Variants in MASP1 observed in about 807,000 individuals in gnomAD.
MASP1 encodes MBL associated serine protease 1.
MASP1 carries 59 observed loss-of-function variants against 77.1 expected under a neutral mutation model. The ratio of observed to expected loss-of-function variants is 0.77; its 90% CI spans 0.62 to 0.95. MASP1 has a LOEUF of 0.95. MASP1 is among the 40% of genes least tolerant of loss of function. The pLI, the probability that MASP1 is intolerant of heterozygous loss-of-function variation, is 0.00. For synonymous variants in MASP1, 362 were observed against 354.5 expected (o/e 1.02, Z -0.24); for missense variants, 885 against 912.9 (o/e 0.97, Z 0.39).
Position 187,282,510 on chromosome 3 carries a change from A to AAAAAG in MASP1, c.237+3314_237+3315insCTTTT, listed in dbSNP as rs144429912. Among the ~76,000 whole-genome samples, 164 of 131,484 alleles carry AAAAAG rather than the reference A, an allele frequency of 1.2e-3. 1 individual carries two copies. Among genetic ancestry groups the AAAAAG allele is most frequent in the Middle Eastern group, 3.9e-3 (1 of 254 alleles). The allele number at this position is 131,484 out of a possible 152,430, so 86.3% of individuals were successfully genotyped here. On this transcript the variant is annotated intron_variant, in intron 2 of 10. Coordinates refer to ENST00000296280, the MANE Select transcript of MASP1 (RefSeq NM_139125.4). Reference sequence around the variant, plus strand: ...GATTCCGTTTCAAAAAAAAAAAAAAAAAGAAGAAGAAGAAAACGTGTACTG... The same window carrying AAAAAG: ...GATTCCGTTTCAAAAAAAAAAAAAAAAAAAGAAGAAGAAGAAGAAAACGTGTACTG...
intron 4 of MASP1, among the ~76,000 whole-genome samples, chr3:187,259,707 G>A (rs1715395649): frequency 6.6e-6 from 1 of 152,070 alleles, no homozygotes; most frequent in African/African-American, 2.4e-5. Flanking sequence ...TGTTCTTTTG[G>A]TTTTGGATTG....
rs753546269 is a variant in MASP1, at chr3:187,236,098, G to A, written c.1773C>T (p.Ala591=). 101 of 1,613,784 alleles carry A rather than the reference G, an allele frequency of 6.3e-5. No homozygotes were observed. The highest frequency in any genetic ancestry group is 7.9e-5 in the Non-Finnish European group (93 of 1,180,056). ...GPAPHMLGLV[A]GWGISNPNVT... is the part of the protein sequence containing the mutation. ...CATTGGGATTGGAGATGCCCCAGCCGGCCACCAGGCCCAGCATGTGGGGGG... is the reference window on the plus strand; with the variant it reads ...CATTGGGATTGGAGATGCCCCAGCCAGCCACCAGGCCCAGCATGTGGGGGG... The change falls in exon 11 of 11, where the codon GCC becomes GCT. Residue 591 remains alanine (A), a synonymous_variant. Coordinates refer to ENST00000296280, the MANE Select transcript of MASP1 (RefSeq NM_139125.4).
At chr3:187,287,117 G>A (rs1410284288) in intron 1 of MASP1, among the ~76,000 whole-genome samples, 1 of 152,162 alleles carries the variant, frequency 6.6e-6, no homozygotes, top group Non-Finnish European at 1.5e-5. Context: ...GCAGTCTTCT[G>A]CCAAAGCTGA....
In MASP1 at chr3:187,285,879, G is replaced by T. The variant is rs1475284402; in HGVS notation, c.183C>A (p.Tyr61Ter). 1 of 1,614,178 alleles carries T rather than the reference G, an allele frequency of 6.2e-7. No individual in the cohort carries two copies. Among genetic ancestry groups the T allele is most frequent in the Non-Finnish European group, 8.5e-7 (1 of 1,180,024 alleles). The part of the protein sequence containing the change: ...TVPDGFRIKL[Y>*]FMHFNLESSY... The stretch of plus-strand genomic sequence containing the variant: ...AGGATTCCAAGTTGAAGTGCATGAA[G>T]TAAAGCTTGATCCGAAACCCATCTG... The change falls in exon 2 of 11, where the codon TAC becomes TAA. Residue 61 changes from tyrosine (Y) to a stop codon, truncating the protein, a stop_gained. Transcript: ENST00000296280. LOFTEE classifies it high-confidence loss of function.
chr3:187,279,348 T>C (rs1374275333), intron 2 of MASP1, among the ~76,000 whole-genome samples: 2 of 152,244 alleles, frequency 1.3e-5, no homozygotes, highest in Non-Finnish European at 2.9e-5. Flanking sequence ...TGTTGGCTGA[T>C]TGTTGAAGGC....
intron 4 of MASP1, among the ~76,000 whole-genome samples, chr3:187,258,193 T>C (rs1339910699): frequency 1.3e-5 from 2 of 152,214 alleles, no homozygotes; most frequent in Non-Finnish European, 2.9e-5. Flanking sequence ...TACCAGATGC[T>C]GACTGTCTGA....
rs780565432 is a variant in MASP1 at position 187,236,387 on chromosome 3, G to T, written c.1484C>A (p.Ala495Glu). The change falls in exon 11 of 11, where the codon GCA becomes GAA. Residue 495 changes from alanine to glutamate, a missense_variant. Ala to Glu is a moderately radical substitution (Grantham distance 107). Coordinates refer to ENST00000296280, the MANE Select transcript of MASP1 (RefSeq NM_139125.4). ...ACGCTGGGAGCGCAGCACATGAGCT[G>T]CTGTGAGGATCCAGGACGCAGAGAG... ...ALLSASWILT[A>E]AHVLRSQRRD... The T allele has an allele frequency of 6.2e-7, 1 of 1,614,250 alleles. No individual in the cohort carries two copies. The highest frequency in any genetic ancestry group is 8.5e-7 in the Non-Finnish European group (1 of 1,180,048).
chr3:187,246,511 T>C, intron 8 of MASP1: 7 of 985,432 alleles, frequency 7.1e-6, no homozygotes, highest in Non-Finnish European at 8.4e-6. Flanking sequence ...ACCAAATAGA[T>C]CGGGCAGTCC....
At chr3:187,229,950 C>A (rs1579468507), downstream of MASP1, 17 of 1,606,822 alleles carry the variant, frequency 1.1e-5, no homozygotes, top group East Asian at 3.8e-4. Context: ...CTCCATCTTG[C>A]CCACTGCCAG....
chr3:187,291,698 C>T lies in MASP1; in HGVS notation c.-66G>A, dbSNP rs72549255. 1.8e-3 allele frequency: 2,960 copies of T among 1,604,156 alleles called. 35 individuals are homozygous for T. The highest frequency in any genetic ancestry group is 0.011 in the East Asian group (511 of 44,820). On this transcript the variant is annotated 5_prime_UTR_variant, in exon 1 of 11. Transcript: ENST00000296280. ...TCCCAGCTTGACTTGCCTGTGAGCT[C>T]GTGCCCGGTGTGGTGTCCGTGATGC...
chr3:187,256,518 T>C, intron 5 of MASP1, 146 bp downstream of exon 5: 2 of 769,310 alleles, frequency 2.6e-6, no homozygotes, highest in Admixed American at 2.0e-5. Flanking sequence ...AGATGGTAGA[T>C]ATTATTTTAA....
chr3:187,283,898 C>T (rs1024493053), intron 2 of MASP1, among the ~76,000 whole-genome samples: 2 of 152,190 alleles, frequency 1.3e-5, no homozygotes, highest in Admixed American at 6.5e-5. Context: ...CCCATACCTA[C>T]AATCCATCTT....
chr3:187,262,513 A>G, intron 3 of MASP1, 30 bp downstream of exon 3: 1 of 1,610,804 alleles, frequency 6.2e-7, no homozygotes, highest in Non-Finnish European at 8.5e-7. Flanking sequence ...AGAGAGAGAG[A>G]CCTGAGGATG....
chr3:187,275,743 T>C (rs1293181122), intron 2 of MASP1, among the ~76,000 whole-genome samples: 1 of 152,136 alleles, frequency 6.6e-6, no homozygotes, highest in Non-Finnish European at 1.5e-5. Flanking sequence ...GAATGTCGAA[T>C]GATAAGCCAC....
At chr3:187,248,432 A>C (rs1197742242) in intron 8 of MASP1, among the ~76,000 whole-genome samples, 1 of 152,222 alleles carries the variant, frequency 6.6e-6, no homozygotes, top group Non-Finnish European at 1.5e-5. Context: ...CTGAGGCCAA[A>C]GAGTCTGAAT....
intron 3 of MASP1, 36 bp from the exon 4 acceptor site, chr3:187,260,908 C>T: frequency 6.2e-7 from 1 of 1,613,414 alleles, no homozygotes; most frequent in African/African-American, 1.3e-5. Context: ...TCAATACATG[C>T]ATGATGATGA....
At chr3:187,227,996 G>A (rs530301362) in intron 11 of MASP1, among the ~76,000 whole-genome samples, 1 of 152,332 alleles carries the variant, frequency 6.6e-6, no homozygotes, top group East Asian at 1.9e-4. Context: ...GAGGGAGACA[G>A]AAATGATAGA....
Position 187,287,291 on chromosome 3 carries a change from A to C in MASP1, c.6-1235T>G, listed in dbSNP as rs180854129. ...CCCCCTGTTATTCTGGGAGCACACCATGCCCTTCCATTCCAGCCTCATTGC... is the reference window on the plus strand; with the variant it reads ...CCCCCTGTTATTCTGGGAGCACACCCTGCCCTTCCATTCCAGCCTCATTGC... On this transcript the variant is annotated intron_variant, in intron 1 of 10. Coordinates refer to ENST00000296280, the MANE Select transcript of MASP1 (RefSeq NM_139125.4). Among the ~76,000 whole-genome samples, 694 of 152,176 alleles carry C rather than the reference A, an allele frequency of 4.6e-3. 3 individuals carry two copies. The highest frequency in any genetic ancestry group is 0.011 in the Admixed American group (172 of 15,286).
At chr3:187,232,730 A>G (rs993874904), downstream of MASP1, among the ~76,000 whole-genome samples, 5 of 152,168 alleles carry the variant, frequency 3.3e-5, no homozygotes, top group Non-Finnish European at 7.3e-5. Flanking sequence ...CAGTACCTCA[A>G]TACCTCAGTA....
Sources: allele counts gnomAD v4.1 joint callset (sites outside exome capture counted in the v4.1 genomes callset), GRCh38; gene constraint gnomAD v4.1.1; transcripts MANE v1.5; gene names NCBI Gene and HGNC (gene_info 2026-07-23, HGNC 2026-07-21).